ADAM9: variants seen among roughly 807,000 people sequenced by gnomAD.
ADAM9 encodes disintegrin and metalloproteinase domain-containing protein 9.
A neutral mutation model predicts 108.1 loss-of-function variants in ADAM9; 54 were observed. That is an observed-to-expected ratio of 0.50 (90% CI 0.40 to 0.63). The LOEUF (loss-of-function observed/expected upper bound fraction) is 0.63. Ranked by LOEUF, ADAM9 falls within the 20% of genes least tolerant of loss-of-function variation. ADAM9 has a pLI of 0.00. For synonymous variants in ADAM9, 316 were observed against 336.0 expected, an observed-to-expected ratio of 0.94 and a Z score of 0.65; for missense variants, 830 against 997.7, an observed-to-expected ratio of 0.83 and a Z score of 2.26.
At chr8:39,056,530 A>G (rs1838128852) in intron 14 of ADAM9, among the ~76,000 whole-genome samples, 1 of 152,038 alleles carries the variant, frequency 6.6e-6, no homozygotes, top group Non-Finnish European at 1.5e-5. Context: ...CTGATTTTCC[A>G]TTCTTCATCC....
At chr8:39,037,413 G>T (rs1337855906) in intron 11 of ADAM9, among the ~76,000 whole-genome samples, 1 of 146,670 alleles carries the variant, frequency 6.8e-6, no homozygotes, top group East Asian at 2.0e-4. Context: ...ATATATTTAT[G>T]TAGTATATAT....
At chr8:39,073,294 A>G (rs538819201) in intron 15 of ADAM9, among the ~76,000 whole-genome samples, 7 of 152,200 alleles carry the variant, frequency 4.6e-5, no homozygotes, top group Admixed American at 4.6e-4. Context: ...GGATTTGTCT[A>G]TTTATCTTTT....
chr8:39,091,389 G>A, intron 20 of ADAM9, 43 bp downstream of exon 20: 1 of 1,520,398 alleles, frequency 6.6e-7, no homozygotes, highest in Non-Finnish European at 9.1e-7. Flanking sequence ...CTGTATTAAA[G>A]GATCAAATGC....
chr8:39,093,584 T>C (rs2129443298), intron 20 of ADAM9, among the ~76,000 whole-genome samples: 1 of 152,348 alleles, frequency 6.6e-6, no homozygotes, highest in African/African-American at 2.4e-5. Context: ...TTTATTTCTT[T>C]TTCTTGCCTA....
chr8:39,072,644 T>C (rs1266210207), intron 15 of ADAM9, among the ~76,000 whole-genome samples: 1 of 152,184 alleles, frequency 6.6e-6, no homozygotes, highest in Non-Finnish European at 1.5e-5. Flanking sequence ...CACCTGCTGT[T>C]CCCTCTGTTC....
chr8:39,016,539 T>G (rs182013022), intron 5 of ADAM9, among the ~76,000 whole-genome samples: 18 of 152,326 alleles, frequency 1.2e-4, no homozygotes, highest in Non-Finnish European at 2.4e-4. Flanking sequence ...ATTATGACTG[T>G]GAATAAGAGC....
chr8:39,009,909 A>AGG (rs1368432665), intron 2 of ADAM9, among the ~76,000 whole-genome samples: 16 of 30,232 alleles, frequency 5.3e-4, no homozygotes, highest in East Asian at 2.8e-3. Flanking sequence ...GGGGGGGGGC[A>AGG]GGGAGAGAGA....
rs183651557 is a variant in ADAM9, at chr8:39,089,985, C to A, written c.2069-62C>A. The A allele has an allele frequency of 1.6e-3, 2,381 of 1,476,946 alleles. 5 individuals carry two copies. The highest frequency in any genetic ancestry group is 1.6e-3 in the Non-Finnish European group (1,700 of 1,056,308). 91.5% of individuals were successfully genotyped at this position (1,476,946 alleles called of 1,614,324 possible). On this transcript the variant is annotated intron_variant, in intron 18 of 21. Transcript: ENST00000487273. ...AAAATTAATGTAAAGTGTTTATAATCATCTAGTATTTTCTGCCTAGTATGA... is the reference window on the plus strand; with the variant it reads ...AAAATTAATGTAAAGTGTTTATAATAATCTAGTATTTTCTGCCTAGTATGA...
At chr8:39,010,950 G>A (rs776193613) in intron 2 of ADAM9, among the ~76,000 whole-genome samples, 1 of 151,956 alleles carries the variant, frequency 6.6e-6, no homozygotes, top group Non-Finnish European at 1.5e-5. Context: ...AAAATTAGCC[G>A]GGTGTGTTGG....
At chr8:39,097,836 A>G (rs974096317) in intron 20 of ADAM9, among the ~76,000 whole-genome samples, 1 of 152,174 alleles carries the variant, frequency 6.6e-6, no homozygotes, top group African/African-American at 2.4e-5. Context: ...CATCTGTAAA[A>G]TAATAATAGT....
intron 2 of ADAM9, among the ~76,000 whole-genome samples, chr8:39,010,239 A>G (rs1414005333): frequency 6.6e-6 from 1 of 152,216 alleles, no homozygotes; most frequent in Non-Finnish European, 1.5e-5. Context: ...TTTAGTAGAC[A>G]TAGCAGTGAT....
chr8:39,080,534 G>A (rs1250016125), intron 16 of ADAM9, among the ~76,000 whole-genome samples: 1 of 152,128 alleles, frequency 6.6e-6, no homozygotes, highest in Admixed American at 6.5e-5. Flanking sequence ...CTGTACAGCT[G>A]TAACTTTGTA....
In ADAM9 at chr8:39,018,903, C is replaced by T. The variant is rs775419284; in HGVS notation, c.657C>T (p.Val219=). 74 of 1,613,670 alleles carry T rather than the reference C, an allele frequency of 4.6e-5. No individual in the cohort carries two copies. Among genetic ancestry groups the T allele is most frequent in the Non-Finnish European group, 5.8e-5 (68 of 1,179,916 alleles). ...CCCGGTATGTGGAGCTGTTCATTGT[C>T]GTAGACAAGGAAAGGGTAAGATTGG... ...PQTRYVELFI[V]VDKERYDMMG... Residue 219 remains valine, a synonymous_variant, in exon 7 of 22, where the codon GTC becomes GTT. Transcript: ENST00000487273.
intron 12 of ADAM9, among the ~76,000 whole-genome samples, chr8:39,043,975 T>G (rs1425715671): frequency 2.0e-5 from 3 of 152,224 alleles, no homozygotes; most frequent in Non-Finnish European, 4.4e-5. Flanking sequence ...GCTGTAGCTC[T>G]TCCTGTATAT....
rs1444400539 is a variant in ADAM9 at position 39,105,137 on chromosome 8, C to T, written c.*1437C>T. 9.5e-6 allele frequency: 4 copies of T among 420,988 alleles called. No individual in the cohort carries two copies. Among genetic ancestry groups the T allele is most frequent in the Non-Finnish European group, 1.8e-5 (4 of 216,588 alleles). 26.1% of individuals were successfully genotyped at this position (420,988 alleles called of 1,614,324 possible). ...ATTTTCAGACTTTTGCCAAAGTGTG[C>T]ACAATGGCTTTTTGTTAATAAAGAA... On this transcript the variant is annotated 3_prime_UTR_variant, in exon 22 of 22. Transcript: ENST00000487273.
intron 12 of ADAM9, among the ~76,000 whole-genome samples, chr8:39,046,755 C>A (rs1371873229): frequency 1.3e-5 from 2 of 151,622 alleles, no homozygotes; most frequent in African/African-American, 4.9e-5. Flanking sequence ...TGTGGTATAT[C>A]TCATTATTTA....
At position 39,092,777 on chromosome 8, in the gene ADAM9, G is replaced by C. The variant is rs549537673; in HGVS notation, c.2298+1431G>C. On this transcript the variant is annotated intron_variant, in intron 20 of 21. Coordinates refer to ENST00000487273, the MANE Select transcript of ADAM9 (RefSeq NM_003816.3). ...TTAAATCTTTAATCCAGTTTGAGTTGATTTTTGTATATGGTATGAAATACC... is the reference window on the plus strand; with the variant it reads ...TTAAATCTTTAATCCAGTTTGAGTTCATTTTTGTATATGGTATGAAATACC... 2.0e-5 allele frequency among the ~76,000 whole-genome samples: 3 copies of C among 152,222 alleles called. No individual in the cohort carries two copies. In the East Asian group the frequency reaches 5.8e-4, roughly 29 times the overall value.
At chr8:39,092,331 T>TACACACACACAC (rs71552833) in intron 20 of ADAM9, among the ~76,000 whole-genome samples, 1 of 148,700 alleles carries the variant, frequency 6.7e-6, no homozygotes, top group African/African-American at 2.5e-5. Context: ...AATATATTTA[T>TACACACACACAC]ACACACACAC....
At chr8:39,013,080 ACAGCTGCTCCAGTC>A (rs1321016559) in intron 3 of ADAM9, among the ~76,000 whole-genome samples, 2 of 151,938 alleles carry the variant, frequency 1.3e-5, no homozygotes, top group African/African-American at 4.9e-5. Context: ...AAATAAGCAT[ACAGCTGCTCCAGTC>A]CTGCTGCAAG....
Sources: allele counts gnomAD v4.1 joint callset (sites outside exome capture counted in the v4.1 genomes callset), GRCh38; gene constraint gnomAD v4.1.1; transcripts MANE v1.5; gene names NCBI Gene and HGNC (gene_info 2026-07-23, HGNC 2026-07-21).